Variants in AQP2 observed in about 807,000 individuals in gnomAD.
The protein encoded by AQP2 is aquaporin-2.
In AQP2, 20 loss-of-function variants were observed where a neutral mutation model predicts 21.6. That is an observed-to-expected ratio of 0.92 (90% confidence interval 0.65 to 1.34). The LOEUF is 1.34. AQP2 is among the 40% of genes most tolerant of loss of function. The pLI, the probability that AQP2 is intolerant of heterozygous loss-of-function variation, is 0.00. For missense variants in AQP2, 325 were observed against 363.4 expected, an observed-to-expected ratio of 0.89 and a Z score of 0.86; for synonymous variants, 168 against 166.9, an observed-to-expected ratio of 1.01 and a Z score of -0.05.
rs765447609 is a variant in AQP2 at position 49,955,578 on chromosome 12, G to A, written c.786G>A (p.Pro262=). ...GGCAGTCGGTGGAGCTGCACTCGCC[G>A]CAGAGCCTGCCACGGGGTACCAAGG... ...RRRQSVELHS[P]QSLPRGTKA is the part of the protein sequence containing the mutation. Residue 262 remains proline (P), a synonymous_variant, in exon 4 of 4, where the codon CCG becomes CCA. Coordinates refer to ENST00000199280, the MANE Select transcript of AQP2 (RefSeq NM_000486.6). 6.3e-6 allele frequency: 10 copies of A among 1,583,568 alleles called. No individual in the cohort carries two copies. Among genetic ancestry groups the A allele is most frequent in the Non-Finnish European group, 8.6e-6 (10 of 1,169,292 alleles).
intron 1 of AQP2, 89 bp downstream of exon 1, chr12:49,951,279 A>T: frequency 6.8e-7 from 1 of 1,465,958 alleles, no homozygotes; most frequent in Non-Finnish European, 9.1e-7. Context: ...GCTCTGGGTG[A>T]TGTAGGGAGA....
chr12:49,953,803 T>C (rs763302705), intron 1 of AQP2, among the ~76,000 whole-genome samples: 19 of 152,240 alleles, frequency 1.2e-4, no homozygotes, highest in Non-Finnish European at 1.9e-4. Flanking sequence ...CCTGAGGCAG[T>C]TGAAACCTCT....
At chr12:49,954,419 C>A in intron 2 of AQP2, 100 bp downstream of exon 2, 1 of 1,388,040 alleles carries the variant, frequency 7.2e-7, no homozygotes, top group Non-Finnish European at 1.0e-6. Context: ...ATACACAGAA[C>A]TCTCAAGAGG....
chr12:49,954,684 G>A lies in AQP2; in HGVS notation c.580G>A (p.Val194Ile), dbSNP rs772051028. 58 of 1,613,994 alleles carry A rather than the reference G, an allele frequency of 3.6e-5. No homozygotes were observed. Among genetic ancestry groups the A allele is most frequent in the Admixed American group, 1.3e-4 (8 of 59,996 alleles). The change falls in exon 3 of 4, where the codon GTC (valine) becomes ATC (isoleucine). Residue 194 changes from valine (V) to isoleucine (I), a missense_variant. Coordinates refer to ENST00000199280, the MANE Select transcript of AQP2 (RefSeq NM_000486.6). Reference protein sequence around the residue: ...NPARSLAPAVVTGKFDDHWVF... With the variant: ...NPARSLAPAVITGKFDDHWVF... The stretch of plus-strand genomic sequence containing the variant: ...TGCCCGCTCCCTGGCTCCAGCTGTC[G>A]TCACTGGCAAATTTGATGACCACTG...
At chr12:49,953,937 G>A (rs758921981) in intron 1 of AQP2, among the ~76,000 whole-genome samples, 16 of 152,120 alleles carry the variant, frequency 1.1e-4, no homozygotes, top group East Asian at 3.9e-4. Flanking sequence ...TACCTCTGGC[G>A]GGGGGACCAT....
chr12:49,954,575 C>T lies in AQP2; in HGVS notation c.526-55C>T, dbSNP rs986172589. ...CAAGCACTGCAGTGCGGGACAAGGA[C>T]TTCCTGCCCTGTCCTCACCTCCCTT... On this transcript the variant is annotated intron_variant, in intron 2 of 3. Coordinates refer to ENST00000199280, the MANE Select transcript of AQP2 (RefSeq NM_000486.6). 4.4e-6 allele frequency: 7 copies of T among 1,585,838 alleles called. No homozygotes were observed. The South Asian group carries it at 6.6e-5, about 15-fold the overall frequency.
Position 49,954,565 on chromosome 12 carries a change from G to C in AQP2, c.526-65G>C, listed in dbSNP as rs954686459. 3 of 1,566,408 alleles carry C rather than the reference G, an allele frequency of 1.9e-6. No homozygotes were observed. In the East Asian group the frequency reaches 6.7e-5, roughly 35 times the overall value. On this transcript the variant is annotated intron_variant, in intron 2 of 3. Transcript: ENST00000199280. ...AGGCTGAGGTCAAGCACTGCAGTGC[G>C]GGACAAGGACTTCCTGCCCTGTCCT...
chr12:49,952,881 T>G (rs1947339840), intron 1 of AQP2, among the ~76,000 whole-genome samples: 1 of 152,190 alleles, frequency 6.6e-6, no homozygotes. Flanking sequence ...AGTTAATCAT[T>G]GACATGCACC....
chr12:49,951,070 C>T lies in AQP2; in HGVS notation c.240C>T (p.His80=), dbSNP rs753762702. Residue 80 remains histidine (H), a synonymous_variant, in exon 1 of 4, where the codon CAC becomes CAT. Coordinates refer to ENST00000199280, the MANE Select transcript of AQP2 (RefSeq NM_000486.6). ...AVTVACLVGC[H]VSVLRAAFYV... ...CTGTGGCCTGCCTGGTGGGCTGCCA[C>T]GTCTCCGTTCTCCGAGCCGCCTTCT... The T allele has an allele frequency of 8.7e-6, 14 of 1,612,094 alleles. No homozygotes were observed. Among genetic ancestry groups the T allele is most frequent in the Admixed American group, 8.3e-5 (5 of 59,998 alleles).
At chr12:49,952,243 C>T (rs1042660322) in intron 1 of AQP2, among the ~76,000 whole-genome samples, 1 of 152,088 alleles carries the variant, frequency 6.6e-6, no homozygotes, top group Non-Finnish European at 1.5e-5. Context: ...GCCTCAGCCT[C>T]CCATGGGATT....
Position 49,955,448 on chromosome 12 carries a change from A to C in AQP2, c.656A>C (p.Tyr219Ser). 6.2e-7 allele frequency: 1 copy of C among 1,612,748 alleles called. No individual in the cohort carries two copies. Among genetic ancestry groups the C allele is most frequent in the Non-Finnish European group, 8.5e-7 (1 of 1,179,814 alleles). ...GGCGCCATCCTGGGCTCCCTCCTCT[A>C]CAACTACGTGCTGTTTCCGCCAGCC... ...LVGAILGSLLYNYVLFPPAKS... is the reference protein window; with the variant it reads ...LVGAILGSLLSNYVLFPPAKS... Residue 219 changes from tyrosine to serine, a missense_variant, in exon 4 of 4, where the codon TAC becomes TCC. Transcript: ENST00000199280.
chr12:49,955,125 C>T (rs1425764006), intron 3 of AQP2, among the ~76,000 whole-genome samples: 1 of 152,190 alleles, frequency 6.6e-6, no homozygotes, highest in African/African-American at 2.4e-5. Context: ...GTGAAAGGCA[C>T]AGAGAGGGTA....
In AQP2 at chr12:49,950,771, C is replaced by T. The variant is rs563444539; in HGVS notation, c.-60C>T. The T allele has an allele frequency of 1.4e-4, 219 of 1,577,184 alleles. No homozygotes were observed. The East Asian group carries it at 2.7e-3, about 19-fold the overall frequency. On this transcript the variant is annotated 5_prime_UTR_variant, in exon 1 of 4. Coordinates refer to ENST00000199280, the MANE Select transcript of AQP2 (RefSeq NM_000486.6). ...GAAAGAGAGCGATAGAGTGCGAGAG[C>T]GAGTGCCCGGAGCATCCTGGCCCTG...
intron 1 of AQP2, 105 bp from the exon 2 acceptor site, chr12:49,954,050 C>T: frequency 6.6e-7 from 1 of 1,504,158 alleles, no homozygotes; most frequent in Non-Finnish European, 9.1e-7. Context: ...TTCCGGCTCC[C>T]AGCCCAGAGG....
Position 49,955,643 on chromosome 12 carries a change from C to A in AQP2, c.*35C>A. 1 of 1,534,420 alleles carries A rather than the reference C, an allele frequency of 6.5e-7. No homozygotes were observed. Among genetic ancestry groups the A allele is most frequent in the Non-Finnish European group, 8.7e-7 (1 of 1,146,114 alleles). ...GCGGCCTCTACGGCCCCGACGGACG[C>A]TTGTGAGGCCCGAGGCAGAAGGGCC... On this transcript the variant is annotated 3_prime_UTR_variant, in exon 4 of 4. Coordinates refer to ENST00000199280, the MANE Select transcript of AQP2 (RefSeq NM_000486.6).
In AQP2 at chr12:49,955,508, G is replaced by C; in HGVS notation, c.716G>C (p.Gly239Ala). ...SLSERLAVLK[G>A]LEPDTDWEER... ...TCGGAGCGCCTGGCAGTGCTGAAGG[G>C]CCTGGAGCCGGACACCGATTGGGAG... is the stretch of plus-strand genomic sequence containing the variant. The change falls in exon 4 of 4, where the codon GGC becomes GCC. Residue 239 changes from glycine (G) to alanine (A), a missense_variant. Transcript: ENST00000199280. 1 of 1,612,538 alleles carries C rather than the reference G, an allele frequency of 6.2e-7. No homozygotes were observed. Among genetic ancestry groups the C allele is most frequent in the Non-Finnish European group, 8.5e-7 (1 of 1,179,780 alleles).
At chr12:49,954,074 C>T (rs561945159) in intron 1 of AQP2, 81 bp from the exon 2 acceptor site, 66 of 1,576,454 alleles carry the variant, frequency 4.2e-5, no homozygotes, top group East Asian at 8.9e-5. Context: ...CCTGGTGCCT[C>T]GACTGCAGGT....
chr12:49,954,264 C>T lies in AQP2; in HGVS notation c.470C>T (p.Pro157Leu), dbSNP rs763610050. 2.5e-6 allele frequency: 4 copies of T among 1,608,370 alleles called. No homozygotes were observed. The highest frequency in any genetic ancestry group is 3.3e-5 in the Admixed American group (2 of 60,016). Residue 157 changes from proline (P) to leucine (L), a missense_variant, in exon 2 of 4, where the codon CCG (proline) becomes CTG (leucine). Pro to Leu is a moderately conservative substitution (Grantham distance 98). Coordinates refer to ENST00000199280, the MANE Select transcript of AQP2 (RefSeq NM_000486.6). ...ASTDERRGEN[P>L]GTPALSIGFS... ...ACCGATGAGCGCCGCGGAGAGAACC[C>T]GGGCACCCCTGCTCTCTCCATAGGC...
chr12:49,953,004 G>A (rs937863748), intron 1 of AQP2, among the ~76,000 whole-genome samples: 2 of 152,196 alleles, frequency 1.3e-5, no homozygotes, highest in African/African-American at 4.8e-5. Context: ...ATTGATCAAA[G>A]TCACAGAACC....
Sources: gnomAD v4.1 joint callset for allele counts (sites outside exome capture counted in the v4.1 genomes callset) on GRCh38, gnomAD v4.1.1 for gene constraint, MANE v1.5 for transcripts, NCBI Gene and HGNC (gene_info 2026-07-23, HGNC 2026-07-21) for gene names.